The following RAB3A variants were observed in gnomAD, a reference collection of about 807,000 sequenced individuals.
The protein encoded by RAB3A is RAB3A, member RAS oncogene family, also known as ras-related protein Rab-3A.
RAB3A carries 5 observed loss-of-function variants against 19.7 expected under a neutral mutation model. The ratio of observed to expected loss-of-function variants is 0.25; its 90% CI spans 0.13 to 0.53. The LOEUF (loss-of-function observed/expected upper bound fraction) is 0.53. Among genes scored for constraint, RAB3A ranks in the 20% least tolerant of loss-of-function variants. The pLI, the probability that RAB3A is intolerant of heterozygous loss-of-function variation, is 0.95. For missense variants in RAB3A, 189 were observed against 305.6 expected (o/e 0.62, Z 2.85); for synonymous variants, 119 against 122.1 (o/e 0.97, Z 0.17).
In RAB3A at chr19:18,198,944, G is replaced by T. The variant is rs1967571712; in HGVS notation, c.348-95C>A. On this transcript the variant is annotated intron_variant, in intron 3 of 4. Coordinates refer to ENST00000222256, the MANE Select transcript of RAB3A (RefSeq NM_002866.5). Reference sequence around the variant, plus strand: ...GGAGCCTGTGTCCTTGTCCGAGGAAGAAAGACCCAGAAGCTTGCCCCTCCA... The same window carrying T: ...GGAGCCTGTGTCCTTGTCCGAGGAATAAAGACCCAGAAGCTTGCCCCTCCA... 1.2e-5 allele frequency: 17 copies of T among 1,465,436 alleles called. 1 individual carries two copies. In the South Asian group the frequency reaches 1.8e-4, roughly 15 times the overall value. 90.8% of individuals were successfully genotyped at this position (1,465,436 alleles called of 1,614,324 possible).
Position 18,202,877 on chromosome 19 carries a change from G to GTAT in RAB3A, c.1-140_1-138dup. 1 of 651,340 alleles carries GTAT rather than the reference G, an allele frequency of 1.5e-6. No homozygotes were observed. The highest frequency in any genetic ancestry group is 2.7e-6 in the Non-Finnish European group (1 of 372,414). The allele number at this position is 651,340 out of a possible 1,614,324, so 40.3% of individuals were successfully genotyped here. A position where few individuals can be genotyped will look rare whatever the true frequency, so the allele number is the denominator to read the frequency against. Reference sequence around the variant, plus strand: ...CACCCTTATCCCATCAGGAGCCCCAGTATTAATTGGTGGTGCCCCCAGCAG... The same window carrying GTAT: ...CACCCTTATCCCATCAGGAGCCCCAGTATTATTAATTGGTGGTGCCCCCAGCAG... On this transcript the variant is annotated intron_variant, in intron 1 of 4. Coordinates refer to ENST00000222256, the MANE Select transcript of RAB3A (RefSeq NM_002866.5). The surrounding 1 kb of genome is among the most constrained non-coding windows in gnomAD (Gnocchi z 4.2).
rs202041906 is a variant in RAB3A at position 18,197,532 on chromosome 19, C to T, written c.601G>A (p.Ala201Thr). 1.5e-5 allele frequency: 25 copies of T among 1,613,368 alleles called. No homozygotes were observed. The East Asian group carries it at 4.0e-4, about 26-fold the overall frequency. ...TCACTGAGCTGTGGGCCCTGCTTGG[C>T]GCCTGTGACCGCAGGGTCCGCCGTG... ...LDTADPAVTG[A>T]KQGPQLSDQQ... Residue 201 changes from alanine to threonine, a missense_variant, in exon 5 of 5, where the codon GCC becomes ACC. Transcript: ENST00000222256.
In RAB3A at chr19:18,200,314, G is replaced by T. The variant is rs764284980; in HGVS notation, c.347+13C>A. ...AAGAAAAGAAAAAAAAAGAGCAAGT[G>T]GGGTACACTCACCAGTCCTGCACTG... On this transcript the variant is annotated intron_variant, in intron 3 of 4. Coordinates refer to ENST00000222256, the MANE Select transcript of RAB3A (RefSeq NM_002866.5). 4.5e-6 allele frequency: 7 copies of T among 1,570,250 alleles called. No individual in the cohort carries two copies. The South Asian group carries it at 8.0e-5, about 18-fold the overall frequency.
In RAB3A at chr19:18,202,451, G is replaced by T; in HGVS notation, c.228+62C>A. The T allele has an allele frequency of 2.8e-6, 4 of 1,441,288 alleles. No homozygotes were observed. In the South Asian group the frequency reaches 4.7e-5, roughly 17 times the overall value. The allele number at this position is 1,441,288 out of a possible 1,614,324, so 89.3% of individuals were successfully genotyped here. ...CAGGAAAGAGATAGACGAGGTTGGG[G>T]CTGCTTTTCCAAGTACGGGAATCCA... On this transcript the variant is annotated intron_variant, in intron 2 of 4. Transcript: ENST00000222256. The surrounding 1 kb of genome is among the most constrained non-coding windows in gnomAD (Gnocchi z 4.2).
chr19:18,197,220 G>A lies in RAB3A; in HGVS notation c.*250C>T, dbSNP rs1017310103. On this transcript the variant is annotated 3_prime_UTR_variant, in exon 5 of 5. Coordinates refer to ENST00000222256, the MANE Select transcript of RAB3A (RefSeq NM_002866.5). The stretch of plus-strand genomic sequence containing the variant: ...GTGAGCGGTGAGTTCACGGGGCCAC[G>A]AGACACCACAGCTGAGTGGGGAAAG... 13 of 449,824 alleles carry A rather than the reference G, an allele frequency of 2.9e-5. No homozygotes were observed. The highest frequency in any genetic ancestry group is 4.4e-5 in the South Asian group (1 of 22,474). The allele number at this position is 449,824 out of a possible 1,614,324, so 27.9% of individuals were successfully genotyped here.
Position 18,197,270 on chromosome 19 carries a change from G to C in RAB3A, c.*200C>G. The C allele has an allele frequency of 1.7e-6, 1 of 581,856 alleles. No individual in the cohort carries two copies. The highest frequency in any genetic ancestry group is 3.0e-6 in the Non-Finnish European group (1 of 334,746). 36.0% of individuals were successfully genotyped at this position (581,856 alleles called of 1,614,324 possible). A position where few individuals can be genotyped will look rare whatever the true frequency, so the allele number is the denominator to read the frequency against. On this transcript the variant is annotated 3_prime_UTR_variant, in exon 5 of 5. Coordinates refer to ENST00000222256, the MANE Select transcript of RAB3A (RefSeq NM_002866.5). ...GGGCTATATGTACAGGAGGGGCAGGGCTTGGGGCGGGCAGGGGAGCCTGGG... is the reference window on the plus strand; with the variant it reads ...GGGCTATATGTACAGGAGGGGCAGGCCTTGGGGCGGGCAGGGGAGCCTGGG...
In RAB3A at chr19:18,197,360, AG is replaced by A; in HGVS notation, c.*109del. 1.0e-6 allele frequency: 1 copy of A among 964,066 alleles called. No individual in the cohort carries two copies. The highest frequency in any genetic ancestry group is 1.5e-6 in the Non-Finnish European group (1 of 646,260). 59.7% of individuals were successfully genotyped at this position (964,066 alleles called of 1,614,324 possible). A position where few individuals can be genotyped will look rare whatever the true frequency, so the allele number is the denominator to read the frequency against. On this transcript the variant is annotated 3_prime_UTR_variant, in exon 5 of 5. Coordinates refer to ENST00000222256, the MANE Select transcript of RAB3A (RefSeq NM_002866.5). Reference sequence around the variant, plus strand: ...AATAATAAATAAGGGTGACGGGCTAAGTCAGGAGCAGGGGTCTTGTGCCCGT... The same window carrying A: ...AATAATAAATAAGGGTGACGGGCTAATCAGGAGCAGGGGTCTTGTGCCCGT...
Position 18,202,074 on chromosome 19 carries a change from AAAG to A in RAB3A, c.228+436_228+438del, listed in dbSNP as rs371853549. Among the ~76,000 whole-genome samples the A allele has an allele frequency of 3.9e-5, 6 of 152,156 alleles. No individual in the cohort carries two copies. Among genetic ancestry groups the A allele is most frequent in the African/African-American group, 1.4e-4 (6 of 41,448 alleles). On this transcript the variant is annotated intron_variant, in intron 2 of 4. Coordinates refer to ENST00000222256, the MANE Select transcript of RAB3A (RefSeq NM_002866.5). The surrounding 1 kb of genome is among the most constrained non-coding windows in gnomAD (Gnocchi z 4.2). ...CATAGCCCGACCCTGTCTCTACAAA[AAAG>A]AAAAAAATCAGCAGGCGTGGTGGTA...
At chr19:18,201,673 A>G (rs1378223023) in intron 2 of RAB3A, among the ~76,000 whole-genome samples, 1 of 152,240 alleles carries the variant, frequency 6.6e-6, no homozygotes, top group Non-Finnish European at 1.5e-5. Flanking sequence ...ACAGTTGTTA[A>G]CAAGATGGGC....
In RAB3A at chr19:18,197,177, G is replaced by C. The variant is rs1161078065; in HGVS notation, c.*293C>G. On this transcript the variant is annotated 3_prime_UTR_variant, in exon 5 of 5. Transcript: ENST00000222256. ...GGGGTGAATTTTAAAAAAAGGCGGG[G>C]GGGGGGGGTTCAGGAGGGTGAGCGG... is the stretch of plus-strand genomic sequence containing the variant. 1.2e-5 allele frequency: 3 copies of C among 258,804 alleles called. No individual in the cohort carries two copies. Among genetic ancestry groups the C allele is most frequent in the East Asian group, 4.6e-5 (1 of 21,646 alleles). The allele number at this position is 258,804 out of a possible 1,614,324, so 16.0% of individuals were successfully genotyped here.
Position 18,202,968 on chromosome 19 carries a change from G to C in RAB3A, c.1-228C>G. Reference sequence around the variant, plus strand: ...AGGGGCTCAGAGGGTTGCCGATGGGGACACCCCAGCAGCCCCCTTCAAGGG... The same window carrying C: ...AGGGGCTCAGAGGGTTGCCGATGGGCACACCCCAGCAGCCCCCTTCAAGGG... On this transcript the variant is annotated intron_variant, in intron 1 of 4. Transcript: ENST00000222256. The surrounding 1 kb of genome is among the most constrained non-coding windows in gnomAD (Gnocchi z 4.2). The C allele has an allele frequency of 1.9e-6, 1 of 524,602 alleles. No homozygotes were observed. The highest frequency in any genetic ancestry group is 3.4e-6 in the Non-Finnish European group (1 of 291,314). The allele number at this position is 524,602 out of a possible 1,614,324, so 32.5% of individuals were successfully genotyped here. A position where few individuals can be genotyped will look rare whatever the true frequency, so the allele number is the denominator to read the frequency against.
Position 18,202,697 on chromosome 19 carries a change from G to C in RAB3A, c.44C>G (p.Ser15Trp). 6.2e-7 allele frequency: 1 copy of C among 1,614,146 alleles called. No individual in the cohort carries two copies. The highest frequency in any genetic ancestry group is 8.5e-7 in the Non-Finnish European group (1 of 1,180,018). The change falls in exon 2 of 5, where the codon TCG becomes TGG. Residue 15 changes from serine to tryptophan, a missense_variant. Coordinates refer to ENST00000222256, the MANE Select transcript of RAB3A (RefSeq NM_002866.5). This position sits in a 1 kb window ranked among gnomAD's most constrained non-coding sequence, Gnocchi z 4.2. ...GAACATGTAGTCGAAGTTCTGATCCGAGGACTCCTTCTGCCCATAGCGCGA... is the reference window on the plus strand; with the variant it reads ...GAACATGTAGTCGAAGTTCTGATCCCAGGACTCCTTCTGCCCATAGCGCGA... ...TDSRYGQKES[S>W]DQNFDYMFKI...
intron 1 of RAB3A, among the ~76,000 whole-genome samples, 199 bp downstream of exon 1, chr19:18,203,697 G>A (rs1463661314): frequency 6.6e-6 from 1 of 152,226 alleles, no homozygotes; most frequent in African/African-American, 2.4e-5. Flanking sequence ...GCAGAGCAGG[G>A]GGGTTGGGGG....
At chr19:18,203,101 GCCGCGCGGCC>G (rs1967637798) in intron 1 of RAB3A, among the ~76,000 whole-genome samples, 1 of 152,184 alleles carries the variant, frequency 6.6e-6, no homozygotes, top group African/African-American at 2.4e-5. Flanking sequence ...TCAGAACCCG[GCCGCGCGGCC>G]CCACGTGCAC....
chr19:18,196,862 G>C lies in RAB3A; in HGVS notation c.*608C>G, dbSNP rs898052580. 1 of 200,308 alleles carries C rather than the reference G, an allele frequency of 5.0e-6. No individual in the cohort carries two copies. 12.4% of individuals were successfully genotyped at this position (200,308 alleles called of 1,614,324 possible). A position where few individuals can be genotyped will look rare whatever the true frequency, so the allele number is the denominator to read the frequency against. ...GTCATGACATCTCCTAAGGAACTGG[G>C]GGGCACGTTTGACACTCATGAGGTC... On this transcript the variant is annotated 3_prime_UTR_variant, in exon 5 of 5. Transcript: ENST00000222256.
chr19:18,198,913 T>C, intron 3 of RAB3A, 64 bp from the exon 4 acceptor site: 1 of 1,571,450 alleles, frequency 6.4e-7, no homozygotes. Flanking sequence ...CCTGACGGGC[T>C]GATGTGGAGC....
intron 4 of RAB3A, 59 bp downstream of exon 4, chr19:18,198,666 C>G: frequency 6.2e-7 from 1 of 1,602,732 alleles, no homozygotes; most frequent in South Asian, 1.1e-5. Context: ...TGTGTGCCCT[C>G]CCCTCTCTTA....
chr19:18,202,817 G>T lies in RAB3A; in HGVS notation c.1-77C>A. The T allele has an allele frequency of 8.1e-7, 1 of 1,228,034 alleles. No individual in the cohort carries two copies. Among genetic ancestry groups the T allele is most frequent in the Non-Finnish European group, 1.2e-6 (1 of 845,316 alleles). The allele number at this position is 1,228,034 out of a possible 1,614,324, so 76.1% of individuals were successfully genotyped here. A position where few individuals can be genotyped will look rare whatever the true frequency, so the allele number is the denominator to read the frequency against. On this transcript the variant is annotated intron_variant, in intron 1 of 4. Transcript: ENST00000222256. The surrounding 1 kb of genome is among the most constrained non-coding windows in gnomAD (Gnocchi z 4.2). Reference sequence around the variant, plus strand: ...TGTGCCCAAGCCCAGGCAGAAGATGGCAAGGGCTCCAGAAAACGGCCGGTG... The same window carrying T: ...TGTGCCCAAGCCCAGGCAGAAGATGTCAAGGGCTCCAGAAAACGGCCGGTG...
At chr19:18,200,150 G>C (rs1000599656) in intron 3 of RAB3A, among the ~76,000 whole-genome samples, 177 bp downstream of exon 3, 1 of 152,212 alleles carries the variant, frequency 6.6e-6, no homozygotes. Context: ...AGGTGTGGTG[G>C]TATATGCCTG....
Sources: allele counts gnomAD v4.1 joint callset (sites outside exome capture counted in the v4.1 genomes callset), GRCh38; gene constraint gnomAD v4.1.1; non-coding constraint Gnocchi (gnomAD v3.1); transcripts MANE v1.5; gene names NCBI Gene and HGNC (gene_info 2026-07-23, HGNC 2026-07-21).